ELP1: variants seen among roughly 807,000 people sequenced by gnomAD.
The protein encoded by ELP1 is elongator complex protein 1.
A neutral mutation model predicts 183.2 loss-of-function variants in ELP1; 131 were observed. The observed-to-expected ratio is 0.72, with a 90% CI of 0.62 to 0.83. The LOEUF (loss-of-function observed/expected upper bound fraction) is 0.83, where lower values mean the gene tolerates loss of function less well. ELP1 is among the 40% of genes least tolerant of loss of function. ELP1 has a pLI of 0.00. For synonymous variants in ELP1, 555 were observed against 569.0 expected (o/e 0.98, Z 0.35); for missense variants, 1,550 against 1,594.9 (o/e 0.97, Z 0.48).
In ELP1 at chr9:108,906,331, C is replaced by A; in HGVS notation, c.1615G>T (p.Asp539Tyr). Reference sequence around the variant, plus strand: ...ACATTGAGCTGTCCATGCTCTTCATCCATCTCAGAAGAAGCTGCAGTCAAA... The same window carrying A: ...ACATTGAGCTGTCCATGCTCTTCATACATCTCAGAAGAAGCTGCAGTCAAA... ...HHLTAASSEMDEEHGQLNVSS... is the reference protein window; with the variant it reads ...HHLTAASSEMYEEHGQLNVSS... The change falls in exon 14 of 37, where the codon GAT becomes TAT. Residue 539 changes from aspartate to tyrosine, a missense_variant. By Grantham distance (160) the Asp-to-Tyr change is radical (BLOSUM62 -3). Coordinates refer to ENST00000374647, the MANE Select transcript of ELP1 (RefSeq NM_003640.5). 6.2e-7 allele frequency: 1 copy of A among 1,614,026 alleles called. No homozygotes were observed. The highest frequency in any genetic ancestry group is 8.5e-7 in the Non-Finnish European group (1 of 1,179,900).
At chr9:108,902,989 G>T in intron 15 of ELP1, 47 bp from the exon 16 acceptor site, 1 of 1,406,334 alleles carries the variant, frequency 7.1e-7, no homozygotes, top group Non-Finnish European at 1.0e-6. Flanking sequence ...TGCGCTCTTT[G>T]CAAAAAACCA....
chr9:108,883,574 AG>A (rs942022397), intron 29 of ELP1, among the ~76,000 whole-genome samples: 19 of 151,768 alleles, frequency 1.3e-4, no homozygotes, highest in South Asian at 4.2e-4. Context: ...AAAAAAAAAA[AG>A]AATAAACATG....
At chr9:108,885,512 T>C (rs1019871621) in intron 29 of ELP1, among the ~76,000 whole-genome samples, 4 of 24,884 alleles carry the variant, frequency 1.6e-4, no homozygotes, top group African/African-American at 8.3e-4. Flanking sequence ...ACTGAACTAA[T>C]AGTGGAAAAG....
At chr9:108,882,322 C>T (rs777591864) in intron 29 of ELP1, 135 bp from the exon 30 acceptor site, 16 of 697,818 alleles carry the variant, frequency 2.3e-5, no homozygotes, top group Non-Finnish European at 4.1e-5. Context: ...AACATCATGC[C>T]TATCCTAGAG....
At chr9:108,869,929 G>A (rs1439210434) in intron 36 of ELP1, among the ~76,000 whole-genome samples, 1 of 152,106 alleles carries the variant, frequency 6.6e-6, no homozygotes, top group African/African-American at 2.4e-5. Flanking sequence ...TTGAATGTAG[G>A]GTTATGGGTG....
chr9:108,903,064 G>T, intron 15 of ELP1, 122 bp from the exon 16 acceptor site: 2 of 624,704 alleles, frequency 3.2e-6, no homozygotes, highest in Non-Finnish European at 5.6e-6. Context: ...TCTAATGCTG[G>T]CATTATTTAT....
At chr9:108,933,525 G>A (rs1830069112) in intron 1 of ELP1, among the ~76,000 whole-genome samples, 1 of 152,322 alleles carries the variant, frequency 6.6e-6, no homozygotes, top group African/African-American at 2.4e-5. Context: ...GAAAGGACCC[G>A]CACCACAGCA....
At position 108,903,644 on chromosome 9, in the gene ELP1, T is replaced by C; in HGVS notation, c.1669A>G (p.Ile557Val). 1 of 1,613,956 alleles carries C rather than the reference T, an allele frequency of 6.2e-7. No individual in the cohort carries two copies. The highest frequency in any genetic ancestry group is 8.5e-7 in the Non-Finnish European group (1 of 1,179,898). ...VSSSAAVDGV[I>V]ISLCCNSKTK... ...TTGGAATTGCAACATAGACTGATTA[T>C]GACCCCATCCACCGCTGCAGATGAA... The change falls in exon 15 of 37, where the codon ATA (isoleucine) becomes GTA (valine). Residue 557 changes from isoleucine (I) to valine (V), a missense_variant. Coordinates refer to ENST00000374647, the MANE Select transcript of ELP1 (RefSeq NM_003640.5).
chr9:108,915,639 C>A (rs1290291288), intron 10 of ELP1, among the ~76,000 whole-genome samples: 1 of 152,184 alleles, frequency 6.6e-6, no homozygotes, highest in Non-Finnish European at 1.5e-5. Context: ...TCTATCCACA[C>A]TCTATTACTC....
intron 3 of ELP1, among the ~76,000 whole-genome samples, chr9:108,928,085 T>C (rs954436898): frequency 8.5e-5 from 13 of 152,384 alleles, no homozygotes; most frequent in African/African-American, 3.1e-4. Flanking sequence ...GGATATCCTA[T>C]TCTCCATGAT....
chr9:108,927,483 TC>T, intron 3 of ELP1, 30 bp from the exon 4 acceptor site: 1 of 1,542,464 alleles, frequency 6.5e-7, no homozygotes, highest in South Asian at 1.1e-5. Context: ...AAAGAGAGAT[TC>T]AAACACTAGC....
At chr9:108,889,854 T>C (rs977141497) in intron 28 of ELP1, among the ~76,000 whole-genome samples, 2 of 152,190 alleles carry the variant, frequency 1.3e-5, no homozygotes, top group African/African-American at 2.4e-5. Flanking sequence ...CGGTCTCTCA[T>C]TGCATGCTCA....
At chr9:108,877,656 G>A (rs1447340308) in intron 35 of ELP1, among the ~76,000 whole-genome samples, 1 of 152,180 alleles carries the variant, frequency 6.6e-6, no homozygotes, top group African/African-American at 2.4e-5. Context: ...AGTTCTGAAA[G>A]GAAAGTGAGA....
At chr9:108,912,561 G>C (rs1003936431) in intron 10 of ELP1, 67 bp from the exon 11 acceptor site, 5 of 1,087,580 alleles carry the variant, frequency 4.6e-6, no homozygotes, top group African/African-American at 3.1e-5. Flanking sequence ...CTTGCCAGAG[G>C]GGTTCAAGGG....
In ELP1 at chr9:108,918,803, C is replaced by T. The variant is rs1277136919; in HGVS notation, c.740+8G>A. On this transcript the variant is annotated splice_region_variant and intron_variant, in intron 8 of 36. Transcript: ENST00000374647. ...AAGAATTTCTCTAAGGTTTCTTCTC[C>T]CACTCACTTCCAAGCCAGGGCTGGT... 1.9e-6 allele frequency: 3 copies of T among 1,606,850 alleles called. No homozygotes were observed. The highest frequency in any genetic ancestry group is 2.6e-6 in the Non-Finnish European group (3 of 1,173,400).
At chr9:108,917,718 A>G in intron 8 of ELP1, 48 bp from the exon 9 acceptor site, 1 of 1,601,522 alleles carries the variant, frequency 6.2e-7, no homozygotes, top group South Asian at 1.1e-5. Context: ...CACCTAACTA[A>G]AGAATAGATA....
chr9:108,871,293 T>C (rs942692418), intron 36 of ELP1, among the ~76,000 whole-genome samples: 4 of 151,388 alleles, frequency 2.6e-5, no homozygotes, highest in South Asian at 4.2e-4. Flanking sequence ...AGATGTGTGT[T>C]TGGGGGCAAG....
intron 31 of ELP1, among the ~76,000 whole-genome samples, chr9:108,881,275 T>C (rs12156537): frequency 0.18 from 27,493 of 152,202 alleles, 3,219 homozygotes; most frequent in African/African-American, 0.33. Context: ...CATTCATTAA[T>C]ACTTTTGTGG....
At chr9:108,873,199 A>G (rs780350505) in intron 36 of ELP1, among the ~76,000 whole-genome samples, 4 of 152,218 alleles carry the variant, frequency 2.6e-5, no homozygotes, top group Non-Finnish European at 5.9e-5. Flanking sequence ...ATTTTAATCT[A>G]TTTTATGTAA....
Sources: allele counts gnomAD v4.1 joint callset (sites outside exome capture counted in the v4.1 genomes callset), GRCh38; gene constraint gnomAD v4.1.1; transcripts MANE v1.5; gene names NCBI Gene and HGNC (gene_info 2026-07-23, HGNC 2026-07-21).